HECW2: variants seen among roughly 807,000 people sequenced by gnomAD.
HECW2 encodes E3 ubiquitin-protein ligase HECW2.
In HECW2, 61 loss-of-function variants were observed where a neutral mutation model predicts 175.2. The observed-to-expected ratio is 0.35, with a 90% confidence interval of 0.28 to 0.43. The LOEUF is 0.43. HECW2 is among the 20% of genes least tolerant of loss of function. The pLI, the probability that HECW2 is intolerant of heterozygous loss-of-function variation, is 1.00. For synonymous variants in HECW2, 671 were observed against 731.0 expected (o/e 0.92, Z 1.32); for missense variants, 1,524 against 2,000.5 (o/e 0.76, Z 4.54).
At chr2:196,325,339 AAC>A (rs1235419427) in intron 5 of HECW2, among the ~76,000 whole-genome samples, 190 bp from the exon 6 acceptor site, 1 of 152,238 alleles carries the variant, frequency 6.6e-6, no homozygotes, top group African/African-American at 2.4e-5. Context: ...ACGGCTCTGT[AAC>A]ACAATAGCAG....
chr2:196,556,452 T>G (rs1689797747), intron 1 of HECW2, among the ~76,000 whole-genome samples: 1 of 152,214 alleles, frequency 6.6e-6, no homozygotes, highest in African/African-American at 2.4e-5. Context: ...TCCCATTTTC[T>G]CCCGTTCCCG....
At chr2:196,419,436 A>G (rs1213773182) in intron 2 of HECW2, among the ~76,000 whole-genome samples, 1 of 152,234 alleles carries the variant, frequency 6.6e-6, no homozygotes, top group Non-Finnish European at 1.5e-5. Flanking sequence ...TTGTGTGTGA[A>G]TGCCAAAAAA....
chr2:196,317,714 G>A (rs755898747), intron 9 of HECW2, among the ~76,000 whole-genome samples: 4 of 151,864 alleles, frequency 2.6e-5, no homozygotes, highest in Admixed American at 6.6e-5. Flanking sequence ...AAAGGAGGAG[G>A]AAGAAAAGAA....
rs918256342 is a variant in HECW2 at position 196,334,342 on chromosome 2, CCT to C, written c.495+80_495+81del. On this transcript the variant is annotated intron_variant, in intron 4 of 28. Coordinates refer to ENST00000644978, the MANE Select transcript of HECW2 (RefSeq NM_001348768.2). ...TTCCTTTTTCATTGTTCCTCATAACCCTGTCAGGGCCGCACAGGTAAAAATAG... is the reference window on the plus strand; with the variant it reads ...TTCCTTTTTCATTGTTCCTCATAACCGTCAGGGCCGCACAGGTAAAAATAG... The C allele has an allele frequency of 3.0e-6, 3 of 1,010,386 alleles. No homozygotes were observed. The African/African-American group carries it at 4.9e-5, about 16-fold the overall frequency. 62.6% of individuals were successfully genotyped at this position (1,010,386 alleles called of 1,614,324 possible). A position where few individuals can be genotyped will look rare whatever the true frequency, so the allele number is the denominator to read the frequency against.
chr2:196,477,773 T>C (rs1686700137), intron 1 of HECW2, among the ~76,000 whole-genome samples: 1 of 152,112 alleles, frequency 6.6e-6, no homozygotes, highest in South Asian at 2.1e-4. Context: ...ACAGAGAGGC[T>C]GGGTGCAGTG....
intron 1 of HECW2, among the ~76,000 whole-genome samples, chr2:196,518,268 T>C (rs901120829): frequency 2.6e-5 from 4 of 152,150 alleles, no homozygotes; most frequent in African/African-American, 9.7e-5. Context: ...CTGAGTCTGA[T>C]GTTATGAGAA....
chr2:196,263,070 G>T (rs1316415839), intron 17 of HECW2: 3 of 151,566 alleles, frequency 2.0e-5, no homozygotes, highest in Non-Finnish European at 4.4e-5. Context: ...AAAAGAATTG[G>T]AAAGCCAATG....
At chr2:196,418,002 C>A (rs1695300167) in intron 2 of HECW2, among the ~76,000 whole-genome samples, 2 of 152,108 alleles carry the variant, frequency 1.3e-5, no homozygotes, top group African/African-American at 4.8e-5. Context: ...TGTAAATTCC[C>A]AGTTGGAAAT....
chr2:196,238,372 G>A (rs763551016), intron 21 of HECW2: 7 of 152,206 alleles, frequency 4.6e-5, no homozygotes, highest in Admixed American at 6.5e-5. Flanking sequence ...TCATGTGATA[G>A]AGTCAGTGTG....
intron 2 of HECW2, among the ~76,000 whole-genome samples, chr2:196,360,962 T>C (rs771869002): frequency 6.6e-6 from 1 of 152,184 alleles, no homozygotes; most frequent in Non-Finnish European, 1.5e-5. Context: ...TGCAGAAACA[T>C]TAGCATCCTT....
At position 196,234,701 on chromosome 2, in the gene HECW2, G is replaced by A. The variant is rs151054251; in HGVS notation, c.3764+5748C>T. ...GTATAATAATAGAGCTGGAAAATAC[G>A]TAGAATAATTCACTGGAGAATATGT... On this transcript the variant is annotated intron_variant, in intron 21 of 28. Transcript: ENST00000644978. Among the ~76,000 whole-genome samples, 75 of 150,106 alleles carry A rather than the reference G, an allele frequency of 5.0e-4. 1 individual carries two copies. The East Asian group carries it at 0.013, about 26-fold the overall frequency.
At chr2:196,307,294 C>T (rs1368692956) in intron 11 of HECW2, 61 bp from the exon 12 acceptor site, 4 of 1,124,322 alleles carry the variant, frequency 3.6e-6, no homozygotes, top group African/African-American at 3.1e-5. Flanking sequence ...CTCAACTGCT[C>T]CCCAAGAGTC....
chr2:196,539,564 G>A (rs966341952), intron 1 of HECW2, among the ~76,000 whole-genome samples: 38 of 152,154 alleles, frequency 2.5e-4, no homozygotes, highest in Non-Finnish European at 4.7e-4. Context: ...GAACCTGGGA[G>A]GCGGAGCTTG....
At position 196,433,397 on chromosome 2, in the gene HECW2, C is replaced by T. The variant is rs1449314213; in HGVS notation, c.27G>A (p.Leu9=). The stretch of plus-strand genomic sequence containing the variant: ...GGGGATTTCGACGCCTCACAAAAAG[C>T]AGGTGCTCCCGGGCTGAACTAGCCA... MASSAREH[L]LFVRRRNPQM... is the part of the protein sequence containing the mutation. The change falls in exon 2 of 29, where the codon CTG becomes CTA. Residue 9 remains leucine, a synonymous_variant. Coordinates refer to ENST00000644978, the MANE Select transcript of HECW2 (RefSeq NM_001348768.2). 7.4e-6 allele frequency: 12 copies of T among 1,613,818 alleles called. No homozygotes were observed. The highest frequency in any genetic ancestry group is 4.0e-5 in the African/African-American group (3 of 74,912).
chr2:196,211,785 C>T (rs2105789460), intron 28 of HECW2, among the ~76,000 whole-genome samples: 1 of 152,278 alleles, frequency 6.6e-6, no homozygotes, highest in Admixed American at 6.5e-5. Flanking sequence ...GCCCCTCCAA[C>T]CCTCCAGGGC....
chr2:196,590,901 G>T (rs376704221), intron 1 of HECW2, among the ~76,000 whole-genome samples: 22 of 152,238 alleles, frequency 1.4e-4, no homozygotes, highest in African/African-American at 5.3e-4. Flanking sequence ...TTTATTTTTT[G>T]TCTCCTGTTC....
chr2:196,383,091 A>G (rs554056829), intron 2 of HECW2, among the ~76,000 whole-genome samples: 1 of 152,318 alleles, frequency 6.6e-6, no homozygotes, highest in South Asian at 2.1e-4. Flanking sequence ...ATAAAAGTTG[A>G]AGCAGTGGAG....
chr2:196,579,855 G>A (rs1481638253), intron 1 of HECW2, among the ~76,000 whole-genome samples: 3 of 152,170 alleles, frequency 2.0e-5, no homozygotes, highest in Non-Finnish European at 4.4e-5. Flanking sequence ...AAGCCAAGGA[G>A]AGAAGCCTCA....
intron 1 of HECW2, among the ~76,000 whole-genome samples, chr2:196,588,928 A>G (rs979982903): frequency 6.6e-6 from 1 of 152,166 alleles, no homozygotes; most frequent in Non-Finnish European, 1.5e-5. Context: ...TAGGCCGGTC[A>G]CGGTGGCTCA....
Sources: gnomAD v4.1 joint callset for allele counts (sites outside exome capture counted in the v4.1 genomes callset) on GRCh38, gnomAD v4.1.1 for gene constraint, MANE v1.5 for transcripts, NCBI Gene and HGNC (gene_info 2026-07-23, HGNC 2026-07-21) for gene names.